ADAM22: variants seen among roughly 807,000 people sequenced by gnomAD.
The protein encoded by ADAM22 is ADAM metallopeptidase domain 22.
Under a neutral mutation model 144.6 loss-of-function variants are expected in ADAM22, and 65 were observed. The ratio of observed to expected loss-of-function variants is 0.45; its 90% CI spans 0.37 to 0.55. ADAM22 has a LOEUF of 0.55. Ranked by LOEUF, ADAM22 falls within the 20% of genes least tolerant of loss-of-function variation. The probability of loss-of-function intolerance (pLI) is 0.00; values close to 1 mark genes in which losing one functional copy is unlikely to be tolerated. For missense variants in ADAM22, 974 were observed against 1,184.9 expected (o/e 0.82, Z 2.61); for synonymous variants, 391 against 412.6 (o/e 0.95, Z 0.63).
intron 31 of ADAM22, 133 bp downstream of exon 31, chr7:88,193,372 G>T: frequency 6.4e-6 from 7 of 1,099,922 alleles, no homozygotes; most frequent in Non-Finnish European, 7.5e-6. Flanking sequence ...TTGAAAATAA[G>T]GAGATTCTTG....
chr7:88,171,025 A>G (rs963490031), intron 25 of ADAM22, among the ~76,000 whole-genome samples: 1 of 151,852 alleles, frequency 6.6e-6, no homozygotes, highest in Non-Finnish European at 1.5e-5. Flanking sequence ...TCACGAATTG[A>G]CTCACTCCTA....
At chr7:88,066,637 C>T (rs117849664) in intron 3 of ADAM22, among the ~76,000 whole-genome samples, 2,044 of 151,878 alleles carry the variant, frequency 0.013, 15 homozygotes, top group South Asian at 0.032. Context: ...ATGAAATCAC[C>T]GAGGAAGAGA....
chr7:88,142,831 C>G (rs763511110), intron 14 of ADAM22, among the ~76,000 whole-genome samples, 195 bp from the exon 15 acceptor site: 2 of 144,474 alleles, frequency 1.4e-5, no homozygotes, highest in Non-Finnish European at 1.5e-5. Flanking sequence ...GAGCTAGACT[C>G]CGTCTCAAAA....
chr7:88,185,668 T>G (rs749437848), intron 29 of ADAM22, among the ~76,000 whole-genome samples: 2 of 152,188 alleles, frequency 1.3e-5, no homozygotes, highest in Non-Finnish European at 2.9e-5. Context: ...GTATTTTTGC[T>G]TGGCTCCCAG....
intron 26 of ADAM22, among the ~76,000 whole-genome samples, chr7:88,172,359 T>G (rs1291674054): frequency 6.6e-6 from 1 of 151,922 alleles, no homozygotes; most frequent in East Asian, 1.9e-4. Flanking sequence ...TAAAAAATAT[T>G]AAAATATTAT....
intron 3 of ADAM22, among the ~76,000 whole-genome samples, chr7:88,062,208 ATCT>A (rs74443477): frequency 0.41 from 62,416 of 151,698 alleles, 14,227 homozygotes; most frequent in South Asian, 0.59. Context: ...CCTAGATGAC[ATCT>A]TCTTCCAATA....
intron 3 of ADAM22, among the ~76,000 whole-genome samples, chr7:88,044,318 C>T (rs1017662921): frequency 1.3e-5 from 2 of 152,136 alleles, no homozygotes; most frequent in African/African-American, 4.8e-5. Context: ...CTTTAGAGTG[C>T]TCAGGAACTG....
chr7:87,966,977 G>A (rs957428864), intron 2 of ADAM22, among the ~76,000 whole-genome samples: 2 of 151,882 alleles, frequency 1.3e-5, no homozygotes, highest in African/African-American at 2.4e-5. Context: ...TGATGGGGAT[G>A]GTTACCTCCA....
intron 30 of ADAM22, among the ~76,000 whole-genome samples, chr7:88,189,323 A>T (rs1849063735): frequency 1.3e-5 from 2 of 152,202 alleles, no homozygotes; most frequent in South Asian, 4.1e-4. Flanking sequence ...TACTCACTTC[A>T]TCAGGGTTTT....
intron 2 of ADAM22, among the ~76,000 whole-genome samples, chr7:87,944,925 A>ATG (rs1843293678): frequency 9.1e-6 from 1 of 109,476 alleles, no homozygotes; most frequent in African/African-American, 4.6e-5. Flanking sequence ...TTCCTATTCT[A>ATG]TATGTGTGTG....
intron 3 of ADAM22, among the ~76,000 whole-genome samples, chr7:88,040,230 C>G (rs1376618160): frequency 1.3e-5 from 2 of 152,080 alleles, no homozygotes; most frequent in Admixed American, 1.3e-4. Flanking sequence ...CTCTTAGGTT[C>G]AAGCTATTCT....
At chr7:88,154,143 G>A (rs969561981) in intron 21 of ADAM22, among the ~76,000 whole-genome samples, 9 of 152,284 alleles carry the variant, frequency 5.9e-5, no homozygotes, top group South Asian at 4.1e-4. Context: ...TAATTTGTCC[G>A]AAGTCATGTA....
intron 3 of ADAM22, among the ~76,000 whole-genome samples, chr7:88,062,861 A>G (rs1410112718): frequency 1.3e-5 from 2 of 152,062 alleles, no homozygotes; most frequent in Non-Finnish European, 2.9e-5. Flanking sequence ...GTGGAGAGGG[A>G]GGGAGATGGG....
chr7:88,105,052 A>G (rs1415277972), intron 4 of ADAM22, among the ~76,000 whole-genome samples: 1 of 152,032 alleles, frequency 6.6e-6, no homozygotes, highest in East Asian at 1.9e-4. Context: ...AAAATGAATT[A>G]TTTGTCCTTT....
chr7:87,980,387 AT>A (rs1853071357), intron 3 of ADAM22, among the ~76,000 whole-genome samples: 1 of 149,754 alleles, frequency 6.7e-6, no homozygotes, highest in Non-Finnish European at 1.5e-5. Context: ...TGTTTATCTT[AT>A]TTTTAATGTA....
intron 25 of ADAM22, among the ~76,000 whole-genome samples, 175 bp from the exon 26 acceptor site, chr7:88,171,369 G>A (rs1844269997): frequency 6.6e-6 from 1 of 151,850 alleles, no homozygotes; most frequent in African/African-American, 2.4e-5. Flanking sequence ...TTCTCCTGAT[G>A]ATGAGGTGAC....
At chr7:88,181,038 T>C (rs1846896706) in intron 27 of ADAM22, among the ~76,000 whole-genome samples, 1 of 152,136 alleles carries the variant, frequency 6.6e-6, no homozygotes, top group African/African-American at 2.4e-5. Flanking sequence ...AATAATGCTT[T>C]GATAAATGTT....
chr7:87,947,473 C>G (rs1456903728), intron 2 of ADAM22, among the ~76,000 whole-genome samples: 1 of 151,568 alleles, frequency 6.6e-6, no homozygotes, highest in East Asian at 1.9e-4. Flanking sequence ...TATGTCAAAC[C>G]ACAGTGTATA....
chr7:88,043,297 A>T (rs1039389885), intron 3 of ADAM22, among the ~76,000 whole-genome samples: 5 of 152,062 alleles, frequency 3.3e-5, no homozygotes, highest in African/African-American at 1.2e-4. Flanking sequence ...CATCCTGGCT[A>T]ACACGATGAA....
Sources: allele counts gnomAD v4.1 joint callset (sites outside exome capture counted in the v4.1 genomes callset), GRCh38; gene constraint gnomAD v4.1.1; transcripts MANE v1.5; gene names NCBI Gene and HGNC (gene_info 2026-07-23, HGNC 2026-07-21).